ZGRF1: variants seen among roughly 807,000 people sequenced by gnomAD.
ZGRF1 encodes 5'-3' DNA helicase ZGRF1.
In ZGRF1, 196 loss-of-function variants were observed where a neutral mutation model predicts 203.5. The observed-to-expected ratio is 0.96, with a 90% CI of 0.86 to 1.08. The LOEUF is 1.08. Among genes scored for constraint, ZGRF1 ranks in the 50% least tolerant of loss-of-function variants. ZGRF1 has a pLI of 0.00. For synonymous variants in ZGRF1, 809 were observed against 841.3 expected, an observed-to-expected ratio of 0.96 and a Z score of 0.66; for missense variants, 2,326 against 2,416.3, an observed-to-expected ratio of 0.96 and a Z score of 0.78.
intron 26 of ZGRF1, among the ~76,000 whole-genome samples, chr4:112,540,388 T>C (rs1288405060): frequency 1.6e-5 from 2 of 128,606 alleles, no homozygotes; most frequent in Non-Finnish European, 3.5e-5. Flanking sequence ...AAACTAATAA[T>C]GAAACAGATA....
intron 24 of ZGRF1, among the ~76,000 whole-genome samples, chr4:112,542,723 G>C (rs1426141956): frequency 6.6e-6 from 1 of 152,028 alleles, no homozygotes; most frequent in Non-Finnish European, 1.5e-5. Context: ...ACAGGTGCCT[G>C]ACACCCCACC....
In ZGRF1 at chr4:112,560,823, T is replaced by G. The variant is rs957104975; in HGVS notation, c.4870A>C (p.Ile1624Leu). Residue 1624 changes from isoleucine (I) to leucine (L), a missense_variant, in exon 19 of 28, where the codon ATT (isoleucine) becomes CTT (leucine). Coordinates refer to ENST00000505019, the MANE Select transcript of ZGRF1 (RefSeq NM_018392.5). ...KLNKDQATAL[I>L]QIAQMMASHE... ...GATGCCATCATTTGAGCTATTTGAA[T>G]TAGAGCTGTAGCTTGATCCTTGTTT... is the stretch of plus-strand genomic sequence containing the variant. The G allele has an allele frequency of 6.2e-6, 10 of 1,613,296 alleles. No homozygotes were observed. In the African/African-American group the frequency reaches 9.3e-5, roughly 15 times the overall value.
At chr4:112,566,330 G>A (rs1480899599) in intron 16 of ZGRF1, among the ~76,000 whole-genome samples, 1 of 129,588 alleles carries the variant, frequency 7.7e-6, no homozygotes, top group African/African-American at 2.9e-5. Context: ...TCACACTCTG[G>A]GGACTGTTGT....
In ZGRF1 at chr4:112,584,135, G is replaced by A. The variant is rs200147168; in HGVS notation, c.4141C>T (p.Arg1381Ter). 32 of 1,612,808 alleles carry A rather than the reference G, an allele frequency of 2.0e-5. No individual in the cohort carries two copies. In the African/African-American group the frequency reaches 3.2e-4, roughly 16 times the overall value. ...TCAAGCCATTTAAAGAATTTACATCGATCAGCTTTGGGTCCATCACATGTA... is the reference window on the plus strand; with the variant it reads ...TCAAGCCATTTAAAGAATTTACATCAATCAGCTTTGGGTCCATCACATGTA... ...FYTCDGPKAD[R>*]CKFFKWLEDV... The change falls in exon 15 of 28, where the codon CGA becomes TGA. Residue 1381 changes from arginine (R) to a stop codon, truncating the protein, a stop_gained. Transcript: ENST00000505019. LOFTEE classifies it high-confidence loss of function.
intron 21 of ZGRF1, 35 bp downstream of exon 21, chr4:112,554,670 A>G: frequency 9.5e-7 from 1 of 1,055,602 alleles, no homozygotes; most frequent in Non-Finnish European, 1.4e-6. Context: ...CTTCCCTCTG[A>G]CCATTCTGTG....
At chr4:112,587,099 A>G (rs1350365951) in intron 12 of ZGRF1, among the ~76,000 whole-genome samples, 181 bp downstream of exon 12, 1 of 152,226 alleles carries the variant, frequency 6.6e-6, no homozygotes, top group Non-Finnish European at 1.5e-5. Flanking sequence ...ATTTCATTCA[A>G]TGTTCACTAC....
At chr4:112,615,691 T>C (rs1364338153) in intron 6 of ZGRF1, among the ~76,000 whole-genome samples, 2 of 151,444 alleles carry the variant, frequency 1.3e-5, no homozygotes, top group African/African-American at 4.9e-5. Context: ...AGGAGCACAA[T>C]GGCATGATCT....
intron 2 of ZGRF1, among the ~76,000 whole-genome samples, 170 bp from the exon 3 acceptor site, chr4:112,632,180 T>A (rs1332652996): frequency 1.3e-5 from 2 of 150,260 alleles, no homozygotes; most frequent in Non-Finnish European, 3.0e-5. Flanking sequence ...ACAGATAGCA[T>A]GACAATAACA....
At chr4:112,595,970 G>A (rs1026569389) in intron 10 of ZGRF1, among the ~76,000 whole-genome samples, 3 of 152,044 alleles carry the variant, frequency 2.0e-5, no homozygotes, top group Non-Finnish European at 4.4e-5. Context: ...GCAATGTCAC[G>A]CTTATTCAAA....
intron 24 of ZGRF1, among the ~76,000 whole-genome samples, chr4:112,545,438 C>CA (rs1425900304): frequency 6.6e-6 from 1 of 152,114 alleles, no homozygotes; most frequent in African/African-American, 2.4e-5. Context: ...TAAGATACCC[C>CA]TTCACACCCA....
At chr4:112,539,732 C>T in intron 27 of ZGRF1, 43 bp from the exon 28 acceptor site, 2 of 1,567,724 alleles carry the variant, frequency 1.3e-6, no homozygotes, top group Non-Finnish European at 8.7e-7. Context: ...CTTTATTTTA[C>T]AGAGGTCCCA....
chr4:112,568,311 A>G (rs1743514976), intron 16 of ZGRF1, among the ~76,000 whole-genome samples: 1 of 152,190 alleles, frequency 6.6e-6, no homozygotes, highest in African/African-American at 2.4e-5. Flanking sequence ...AGAAACAAGG[A>G]AAAACCCAGT....
chr4:112,627,302 TCCATTG>T (rs2047269586), intron 3 of ZGRF1, among the ~76,000 whole-genome samples: 1 of 152,226 alleles, frequency 6.6e-6, no homozygotes, highest in Non-Finnish European at 1.5e-5. Context: ...ATTCTTTTTC[TCCATTG>T]CCATTGCAAA....
intron 10 of ZGRF1, among the ~76,000 whole-genome samples, chr4:112,594,855 T>C (rs993842383): frequency 6.6e-6 from 1 of 152,250 alleles, no homozygotes; most frequent in Admixed American, 6.5e-5. Context: ...TTTATAATTA[T>C]GCATGTTTCG....
At chr4:112,562,604 C>A in intron 17 of ZGRF1, 119 bp from the exon 18 acceptor site, 1 of 645,766 alleles carries the variant, frequency 1.5e-6, no homozygotes, top group Non-Finnish European at 2.8e-6. Context: ...TGACATAAAA[C>A]AAACCCTTAA....
chr4:112,565,822 G>A (rs974860204), intron 16 of ZGRF1, among the ~76,000 whole-genome samples: 1 of 152,164 alleles, frequency 6.6e-6, no homozygotes, highest in African/African-American at 2.4e-5. Context: ...AGTTAGAATG[G>A]CAGTCATTAA....
chr4:112,561,146 G>T (rs1237996958), intron 18 of ZGRF1, 151 bp from the exon 19 acceptor site: 5 of 631,044 alleles, frequency 7.9e-6, no homozygotes, highest in Non-Finnish European at 1.4e-5. Flanking sequence ...TACTGTAAAT[G>T]GATACATACT....
At chr4:112,543,969 TG>T (rs1738236774) in intron 24 of ZGRF1, among the ~76,000 whole-genome samples, 1 of 152,016 alleles carries the variant, frequency 6.6e-6, no homozygotes, top group African/African-American at 2.4e-5. Context: ...ATTTACAGGC[TG>T]GAGCCACCAT....
rs553097343 is a variant in ZGRF1 at position 112,539,816 on chromosome 4, G to A, written c.6172+47C>T. On this transcript the variant is annotated intron_variant, in intron 27 of 27. Coordinates refer to ENST00000505019, the MANE Select transcript of ZGRF1 (RefSeq NM_018392.5). ...GCACCCCAAGCATTAACCCATAAAA[G>A]TCAGTTTGAACTTGAAATGCATGAA... 47 of 1,604,018 alleles carry A rather than the reference G, an allele frequency of 2.9e-5. No individual in the cohort carries two copies. In the South Asian group the frequency reaches 4.5e-4, roughly 15 times the overall value.
Sources: allele counts gnomAD v4.1 joint callset (sites outside exome capture counted in the v4.1 genomes callset), GRCh38; gene constraint gnomAD v4.1.1; transcripts MANE v1.5; gene names NCBI Gene and HGNC (gene_info 2026-07-23, HGNC 2026-07-21).